MEI1: variants seen among roughly 807,000 people sequenced by gnomAD.
The protein encoded by MEI1 is meiosis inhibitor protein 1.
In MEI1, 103 loss-of-function variants were observed where a neutral mutation model predicts 146.2. The observed-to-expected ratio is 0.70, with a 90% confidence interval of 0.60 to 0.83. The LOEUF (loss-of-function observed/expected upper bound fraction) is 0.83, where lower values mean the gene tolerates loss of function less well. MEI1 is among the 40% of genes least tolerant of loss of function. The pLI, the probability that MEI1 is intolerant of heterozygous loss-of-function variation, is 0.00. For synonymous variants in MEI1, 652 were observed against 628.2 expected (o/e 1.04, Z -0.57); for missense variants, 1,529 against 1,533.0 (o/e 1.00, Z 0.04).
intron 17 of MEI1, among the ~76,000 whole-genome samples, chr22:41,755,048 C>A (rs561835328): frequency 5.9e-5 from 9 of 152,236 alleles, no homozygotes; most frequent in Admixed American, 2.6e-4. Flanking sequence ...AGCTGCAGGG[C>A]TGAGAGCTGG....
intron 6 of MEI1, among the ~76,000 whole-genome samples, chr22:41,723,710 T>G (rs2071071994): frequency 6.6e-6 from 1 of 152,194 alleles, no homozygotes; most frequent in Non-Finnish European, 1.5e-5. Context: ...TATGTTTATC[T>G]TGCTTACTCT....
rs2076340498 is a variant in MEI1 at position 41,795,891 on chromosome 22, G to A, written c.3779+44G>A. On this transcript the variant is annotated intron_variant, in intron 30 of 30. Coordinates refer to ENST00000401548, the MANE Select transcript of MEI1 (RefSeq NM_152513.4). This position sits in a 1 kb window ranked among gnomAD's most constrained non-coding sequence, Gnocchi z 4.2. ...ATGATGAAGGAGATGCCAAATCACT[G>A]GGTGTTTGGGGCTTCTCTTCCTGGG... The A allele has an allele frequency of 6.2e-7, 1 of 1,612,446 alleles. No homozygotes were observed. Among genetic ancestry groups the A allele is most frequent in the African/African-American group, 1.3e-5 (1 of 74,754 alleles).
intron 7 of MEI1, 61 bp downstream of exon 7, chr22:41,724,134 G>C (rs1369294588): frequency 1.3e-6 from 2 of 1,590,852 alleles, no homozygotes; most frequent in Non-Finnish European, 1.7e-6. Flanking sequence ...AGTGCTTCTT[G>C]GGCCTTGTCT....
intron 8 of MEI1, 144 bp downstream of exon 8, chr22:41,729,923 A>G (rs1315481488): frequency 3.5e-6 from 2 of 576,942 alleles, no homozygotes; most frequent in South Asian, 2.8e-5. Flanking sequence ...ACCTTGAGCA[A>G]TTTGTTACCG....
At chr22:41,747,366 T>C (rs1237979694) in intron 14 of MEI1, 2 of 152,724 alleles carry the variant, frequency 1.3e-5, no homozygotes, top group Admixed American at 6.6e-5. Flanking sequence ...CAGTTACAGA[T>C]TTATTTGTTT....
In MEI1 at chr22:41,784,695, T is replaced by A. The variant is rs764734508; in HGVS notation, c.3257T>A (p.Leu1086Gln). 1.2e-6 allele frequency: 2 copies of A among 1,613,830 alleles called. No individual in the cohort carries two copies. The highest frequency in any genetic ancestry group is 2.2e-5 in the South Asian group (2 of 91,038). ...VALVPSGAQP[L>Q]PATKDTVLAP... is the part of the protein sequence containing the mutation. ...CTGGTGCCCTCAGGGGCCCAGCCAC[T>A]GCCAGCCACCAAGGACACTGTCCTA... Residue 1086 changes from leucine (L) to glutamine (Q), a missense_variant, in exon 26 of 31, where the codon CTG becomes CAG. Leu to Gln is a moderately radical substitution (Grantham distance 113). Transcript: ENST00000401548.
At chr22:41,793,131 G>A (rs11090060) in intron 26 of MEI1, among the ~76,000 whole-genome samples, 44,058 of 142,014 alleles carry the variant, frequency 0.31, 6,972 homozygotes, top group Non-Finnish European at 0.36. Flanking sequence ...TTCTGCTCCC[G>A]GGTTCAAGCA....
intron 11 of MEI1, among the ~76,000 whole-genome samples, chr22:41,739,138 T>C (rs1366683068): frequency 2.2e-5 from 1 of 46,184 alleles, no homozygotes; most frequent in Non-Finnish European, 4.4e-5. Flanking sequence ...CTACTAAAAA[T>C]ACAAAAAAAA....
At chr22:41,712,702 G>GTGTGTGTGTGTGT (rs3045420) in intron 3 of MEI1, among the ~76,000 whole-genome samples, 3 of 149,690 alleles carry the variant, frequency 2.0e-5, no homozygotes, top group Admixed American at 6.6e-5. Context: ...GTGTGTGTGT[G>GTGTGTGTGTGTGT]GAGCAATATA....
intron 3 of MEI1, among the ~76,000 whole-genome samples, chr22:41,712,702 G>GT (rs3045420): frequency 0.059 from 8,842 of 149,762 alleles, 724 homozygotes; most frequent in African/African-American, 0.18. Flanking sequence ...GTGTGTGTGT[G>GT]GAGCAATATA....
intron 24 of MEI1, among the ~76,000 whole-genome samples, chr22:41,784,071 T>A (rs1212786132): frequency 6.6e-6 from 1 of 152,188 alleles, no homozygotes; most frequent in Non-Finnish European, 1.5e-5. Flanking sequence ...GAACCACAGA[T>A]GAGGCCAGAG....
intron 12 of MEI1, among the ~76,000 whole-genome samples, chr22:41,744,175 T>C (rs1242314738): frequency 6.6e-6 from 1 of 150,920 alleles, no homozygotes; most frequent in African/African-American, 2.4e-5. Flanking sequence ...CCTGCTACCA[T>C]TTTTTTTTAT....
intron 19 of MEI1, among the ~76,000 whole-genome samples, chr22:41,766,579 C>G (rs1388869779): frequency 6.6e-6 from 1 of 152,184 alleles, no homozygotes; most frequent in East Asian, 1.9e-4. Context: ...CAGGGTCTTG[C>G]TCTGTCACCC....
At chr22:41,724,646 G>A (rs894100446) in intron 7 of MEI1, among the ~76,000 whole-genome samples, 4 of 149,740 alleles carry the variant, frequency 2.7e-5, no homozygotes, top group African/African-American at 9.8e-5. Flanking sequence ...TTAGCTGGGC[G>A]TGGGCGTGGT....
intron 23 of MEI1, 116 bp downstream of exon 23, chr22:41,781,510 A>T (rs547576873): frequency 1.7e-6 from 2 of 1,155,338 alleles, no homozygotes; most frequent in Non-Finnish European, 2.5e-6. Flanking sequence ...GGTGGTCATA[A>T]GGTCCTTTCT....
rs774076291 is a variant in MEI1, at chr22:41,745,971, CCTT to C, written c.1628_1630del (p.Phe543del). The C allele has an allele frequency of 1.9e-6, 3 of 1,613,112 alleles. No individual in the cohort carries two copies. Among genetic ancestry groups the C allele is most frequent in the Non-Finnish European group, 2.5e-6 (3 of 1,179,488 alleles). ...GCCAAGAAGGAAGACACCTTGGAGG[CCTT>C]CTCAGAATTTCTTCTCAGTGCCTGT... On this transcript the variant is annotated inframe_deletion, in exon 14 of 31. Transcript: ENST00000401548.
chr22:41,730,472 G>C (rs774074834), intron 8 of MEI1, 49 bp from the exon 9 acceptor site: 1 of 1,293,140 alleles, frequency 7.7e-7, no homozygotes, highest in Non-Finnish European at 1.1e-6. Flanking sequence ...TTAAGGGATC[G>C]TGATCACATG....
chr22:41,702,753 CACTT>C (rs2068807697), intron 1 of MEI1, among the ~76,000 whole-genome samples: 1 of 151,388 alleles, frequency 6.6e-6, no homozygotes, highest in Non-Finnish European at 1.5e-5. Context: ...CCTCTGAACA[CACTT>C]TTCTTTTCTT....
chr22:41,713,210 C>T (rs1290827857), intron 3 of MEI1, among the ~76,000 whole-genome samples: 1 of 152,174 alleles, frequency 6.6e-6, no homozygotes, highest in Non-Finnish European at 1.5e-5. Flanking sequence ...TGGTGACTCA[C>T]ACCTATTATC....
Sources: allele counts gnomAD v4.1 joint callset (sites outside exome capture counted in the v4.1 genomes callset), GRCh38; gene constraint gnomAD v4.1.1; non-coding constraint Gnocchi (gnomAD v3.1); transcripts MANE v1.5; gene names NCBI Gene and HGNC (gene_info 2026-07-23, HGNC 2026-07-21).